The following CDC25A variants were observed in gnomAD, a reference collection of about 807,000 sequenced individuals.
CDC25A encodes M-phase inducer phosphatase 1.
A neutral mutation model predicts 64.6 loss-of-function variants in CDC25A; 17 were observed. The observed-to-expected ratio is 0.26, with a 90% CI of 0.18 to 0.39. The LOEUF (loss-of-function observed/expected upper bound fraction) is 0.39, where lower values mean the gene tolerates loss of function less well. Among genes scored for constraint, CDC25A ranks in the 10% least tolerant of loss-of-function variants. The pLI, the probability that CDC25A is intolerant of heterozygous loss-of-function variation, is 1.00. For synonymous variants in CDC25A, 229 were observed against 238.6 expected, an observed-to-expected ratio of 0.96 and a Z score of 0.37; for missense variants, 473 against 654.8, an observed-to-expected ratio of 0.72 and a Z score of 3.03.
intron 13 of CDC25A, among the ~76,000 whole-genome samples, chr3:48,163,108 C>T (rs1018329619): frequency 2.0e-5 from 3 of 151,416 alleles, no homozygotes; most frequent in Non-Finnish European, 4.4e-5. Context: ...ATGGTGAAAC[C>T]CCCATCTCTA....
intron 6 of CDC25A, among the ~76,000 whole-genome samples, chr3:48,180,109 A>AT (rs1434460315): frequency 1.3e-5 from 2 of 152,170 alleles, no homozygotes; most frequent in Admixed American, 1.3e-4. Flanking sequence ...AAAATTAAAA[A>AT]TAAAAAAAAT....
At chr3:48,162,355 G>A (rs2031809064) in intron 13 of CDC25A, among the ~76,000 whole-genome samples, 1 of 151,674 alleles carries the variant, frequency 6.6e-6, no homozygotes. Flanking sequence ...GCATGATCAT[G>A]GCTCACCACA....
rs531565515 is a variant in CDC25A, at chr3:48,188,243, C to T, written c.-296G>A. On this transcript the variant is annotated 5_prime_UTR_variant, in exon 1 of 15. Coordinates refer to ENST00000302506, the MANE Select transcript of CDC25A (RefSeq NM_001789.3). ...GAAGATTAAATCCAAACAAACGTGG[C>T]GGGTCGGCAAGAGAAGCCGGGCGAG... 9 of 269,702 alleles carry T rather than the reference C, an allele frequency of 3.3e-5. No homozygotes were observed. The highest frequency in any genetic ancestry group is 5.5e-5 in the Non-Finnish European group (8 of 144,582). The allele number at this position is 269,702 out of a possible 1,614,324, so 16.7% of individuals were successfully genotyped here.
intron 13 of CDC25A, among the ~76,000 whole-genome samples, chr3:48,161,762 A>T (rs3731557): frequency 0.018 from 2,729 of 151,956 alleles, 175 homozygotes; most frequent in Admixed American, 0.11. Flanking sequence ...AACAATTTAC[A>T]TGTGTGTGTA....
At chr3:48,173,846 C>T (rs1222500544) in intron 9 of CDC25A, among the ~76,000 whole-genome samples, 1 of 152,094 alleles carries the variant, frequency 6.6e-6, no homozygotes, top group Non-Finnish European at 1.5e-5. Context: ...CAGAAAAATC[C>T]CAACTTGAAC....
intron 9 of CDC25A, among the ~76,000 whole-genome samples, chr3:48,172,630 A>T (rs145838041): frequency 6.6e-6 from 1 of 152,352 alleles, no homozygotes; most frequent in African/African-American, 2.4e-5. Context: ...TGGGAGGCCA[A>T]GGCGGGAGGA....
At chr3:48,173,209 CAAAA>C (rs35936117) in intron 9 of CDC25A, among the ~76,000 whole-genome samples, 2 of 54,502 alleles carry the variant, frequency 3.7e-5, no homozygotes, top group Admixed American at 2.1e-4. Flanking sequence ...CAGAGCGTCT[CAAAA>C]AAAAAAAAAA....
At chr3:48,185,422 C>CAAAAA (rs35677711) in intron 2 of CDC25A, among the ~76,000 whole-genome samples, 1 of 89,458 alleles carries the variant, frequency 1.1e-5, no homozygotes, top group Non-Finnish European at 2.3e-5. Context: ...GACCCTGTCT[C>CAAAAA]AAAAAAAAAA....
At position 48,187,844 on chromosome 3, in the gene CDC25A, G is replaced by A. The variant is rs1481276059; in HGVS notation, c.104C>T (p.Ala35Val). The A allele has an allele frequency of 6.5e-7, 1 of 1,549,244 alleles. No homozygotes were observed. Among genetic ancestry groups the A allele is most frequent in the Admixed American group, 2.0e-5 (1 of 50,996 alleles). ...GGTGACAGGCGACAGTCCCCCGGCG[G>A]CTGAAGCGCCAAATAGCGCCTTCAC... Reference protein sequence around the residue: ...PVVKALFGASAAGGLSPVTNL... With the variant: ...PVVKALFGASVAGGLSPVTNL... Residue 35 changes from alanine (A) to valine (V), a missense_variant, in exon 1 of 15, where the codon GCC (alanine) becomes GTC (valine). Physicochemically the swap from Ala to Val is moderately conservative, Grantham distance 64. Coordinates refer to ENST00000302506, the MANE Select transcript of CDC25A (RefSeq NM_001789.3).
At chr3:48,176,531 G>GTATATATATATATATATATATA (rs55938075) in intron 8 of CDC25A, among the ~76,000 whole-genome samples, 1 of 138,122 alleles carries the variant, frequency 7.2e-6, no homozygotes, top group African/African-American at 2.7e-5. Context: ...GTGTGTGTGA[G>GTATATATATATATATATATATA]TATATATATA....
intron 9 of CDC25A, among the ~76,000 whole-genome samples, chr3:48,169,951 G>A (rs1010273527): frequency 6.6e-6 from 1 of 152,030 alleles, no homozygotes; most frequent in African/African-American, 2.4e-5. Context: ...GGAGGTTGCA[G>A]TGAGCAGAGA....
chr3:48,186,058 T>C (rs145524756), intron 2 of CDC25A, among the ~76,000 whole-genome samples: 4 of 152,356 alleles, frequency 2.6e-5, no homozygotes, highest in African/African-American at 4.8e-5. Context: ...ATTTCCTCCA[T>C]AGCAGCATCA....
intron 9 of CDC25A, among the ~76,000 whole-genome samples, chr3:48,173,820 C>T (rs569946334): frequency 3.3e-5 from 5 of 152,246 alleles, no homozygotes; most frequent in South Asian, 4.1e-4. Context: ...GAAGAATCAC[C>T]GGTCATACCA....
intron 1 of CDC25A, among the ~76,000 whole-genome samples, chr3:48,187,316 C>T (rs1048930001): frequency 2.6e-5 from 4 of 152,154 alleles, no homozygotes; most frequent in Non-Finnish European, 5.9e-5. Context: ...GGGCGAGGGA[C>T]TGAGATGATT....
chr3:48,185,190 T>C (rs1205583262), intron 2 of CDC25A, among the ~76,000 whole-genome samples: 1 of 152,100 alleles, frequency 6.6e-6, no homozygotes, highest in African/African-American at 2.4e-5. Flanking sequence ...GGCAGGCTGA[T>C]GGCTTGAGGC....
chr3:48,184,070 G>A (rs187951993), intron 3 of CDC25A, among the ~76,000 whole-genome samples: 11 of 152,080 alleles, frequency 7.2e-5, no homozygotes, highest in East Asian at 3.9e-4. Flanking sequence ...ACACACATTC[G>A]GCTGGGCGCG....
rs3731499 is a variant in CDC25A, at chr3:48,184,680, G to A, written c.263C>T (p.Ser88Phe). ...ESTDSGFCLD[S>F]PGPLDSKENL... ...TTCTTTACTGTCCAATGGCCCAGGA[G>A]AATCTAGACAGAAACCTATGGGGAA... is the stretch of plus-strand genomic sequence containing the variant. Residue 88 changes from serine to phenylalanine, a missense_variant, in exon 3 of 15, where the codon TCT becomes TTT. Coordinates refer to ENST00000302506, the MANE Select transcript of CDC25A (RefSeq NM_001789.3). The A allele has an allele frequency of 1.2e-4, 183 of 1,588,730 alleles. No individual in the cohort carries two copies. The highest frequency in any genetic ancestry group is 1.4e-4 in the Non-Finnish European group (168 of 1,170,384).
intron 10 of CDC25A, 62 bp downstream of exon 10, chr3:48,167,784 G>A (rs1399727484): frequency 3.4e-6 from 3 of 893,644 alleles, no homozygotes; most frequent in African/African-American, 1.6e-5. Flanking sequence ...GACAGGCTGA[G>A]TGGGATTCTA....
At chr3:48,163,192 A>G (rs2031855716) in intron 13 of CDC25A, among the ~76,000 whole-genome samples, 1 of 150,238 alleles carries the variant, frequency 6.7e-6, no homozygotes, top group African/African-American at 2.5e-5. Context: ...CTGAGGCAGG[A>G]GAATCGCTTG....
Sources: allele counts gnomAD v4.1 joint callset (sites outside exome capture counted in the v4.1 genomes callset), GRCh38; gene constraint gnomAD v4.1.1; transcripts MANE v1.5; gene names NCBI Gene and HGNC (gene_info 2026-07-23, HGNC 2026-07-21).